LARP1: variants seen among roughly 807,000 people sequenced by gnomAD.
LARP1 encodes the protein La ribonucleoprotein 1, translational regulator.
A neutral mutation model predicts 122.7 loss-of-function variants in LARP1; 36 were observed. The observed-to-expected ratio is 0.29, with a 90% confidence interval of 0.22 to 0.39. LARP1 has a LOEUF of 0.39. Among genes scored for constraint, LARP1 ranks in the 10% least tolerant of loss-of-function variants. The pLI is 1.00. For synonymous variants in LARP1, 539 were observed against 528.7 expected (o/e 1.02, Z -0.27); for missense variants, 1,040 against 1,403.6 (o/e 0.74, Z 4.14).
At position 154,777,161 on chromosome 5, in the gene LARP1, T is replaced by C. The variant is rs538365492; in HGVS notation, c.437-13164T>C. The stretch of plus-strand genomic sequence containing the variant: ...TAGCATGTTCCTATACTGAATACTG[T>C]AGGAGTTGTAATACAATGGTAAGTA... On this transcript the variant is annotated intron_variant, in intron 1 of 18. Transcript: ENST00000518297. Among the ~76,000 whole-genome samples, 3 of 152,222 alleles carry C rather than the reference T, an allele frequency of 2.0e-5. No homozygotes were observed. The East Asian group carries it at 5.8e-4, about 29-fold the overall frequency.
chr5:154,783,904 C>T (rs916048131), intron 1 of LARP1, among the ~76,000 whole-genome samples: 2 of 152,134 alleles, frequency 1.3e-5, no homozygotes. Flanking sequence ...AGGAGGGTGA[C>T]GCTGGGGTAG....
intron 1 of LARP1, among the ~76,000 whole-genome samples, chr5:154,747,687 C>T (rs1056168855): frequency 6.0e-5 from 9 of 150,850 alleles, no homozygotes; most frequent in African/African-American, 9.8e-5. Context: ...GCAACAAAAG[C>T]GAAAATCCGT....
chr5:154,719,246 G>C (rs1755705468), intron 1 of LARP1, among the ~76,000 whole-genome samples: 1 of 152,260 alleles, frequency 6.6e-6, no homozygotes, highest in South Asian at 2.1e-4. Flanking sequence ...CTCAGGTTCA[G>C]AGAGTGCACA....
chr5:154,752,443 A>G (rs977261923), upstream of LARP1, among the ~76,000 whole-genome samples: 1 of 151,262 alleles, frequency 6.6e-6, no homozygotes, highest in African/African-American at 2.4e-5. Context: ...GTGTTTCGCC[A>G]TGTTGGCCAG....
Position 154,755,962 on chromosome 5 carries a change from G to A in LARP1, c.205G>A (p.Gly69Arg), listed in dbSNP as rs2113544803. 4 of 1,002,690 alleles carry A rather than the reference G, an allele frequency of 4.0e-6. No individual in the cohort carries two copies. Among genetic ancestry groups the A allele is most frequent in the Non-Finnish European group, 3.6e-6 (3 of 842,974 alleles). 62.1% of individuals were successfully genotyped at this position (1,002,690 alleles called of 1,614,324 possible). The change falls in exon 1 of 19, where the codon GGG (glycine) becomes AGG (arginine). Residue 69 changes from glycine (G) to arginine (R), a missense_variant. Transcript: ENST00000518297. Reference sequence around the variant, plus strand: ...CGCCAAGCCGCACAAGGAGGGCACCGGGCAGCAGGAGCGCGAGAGCCCGCG... The same window carrying A: ...CGCCAAGCCGCACAAGGAGGGCACCAGGCAGCAGGAGCGCGAGAGCCCGCG... ...PCAKPHKEGT[G>R]QQERESPRPL...
rs1758443104 is a variant in LARP1 at position 154,802,655 on chromosome 5, T to C, written c.2109+256T>C. The stretch of plus-strand genomic sequence containing the variant: ...ATCTGCGGATCCATAGTTAATATTC[T>C]GACAGTTGGCTAGACACTTTTGTGG... On this transcript the variant is annotated intron_variant, in intron 11 of 18. Transcript: ENST00000518297. The surrounding 1 kb of genome is among the most constrained non-coding windows in gnomAD (Gnocchi z 5.1). 6.6e-6 allele frequency among the ~76,000 whole-genome samples: 1 copy of C among 152,360 alleles called. No individual in the cohort carries two copies. The highest frequency in any genetic ancestry group is 1.5e-5 in the Non-Finnish European group (1 of 68,036).
intron 1 of LARP1, among the ~76,000 whole-genome samples, chr5:154,784,525 G>A (rs566306405): frequency 3.9e-5 from 6 of 152,324 alleles, no homozygotes; most frequent in Admixed American, 6.5e-5. Context: ...GATGATACCA[G>A]TCCCCAAATA....
intron 1 of LARP1, chr5:154,729,494 A>G: frequency 2.5e-6 from 1 of 402,900 alleles, no homozygotes; most frequent in South Asian, 2.0e-5. Context: ...TAATCTGCCT[A>G]TTGAGCACAT....
intron 1 of LARP1, among the ~76,000 whole-genome samples, chr5:154,699,006 G>A (rs1479808330): frequency 6.6e-6 from 1 of 152,146 alleles, no homozygotes; most frequent in East Asian, 1.9e-4. Flanking sequence ...TATTTCTTTC[G>A]ATACAAGCTG....
At chr5:154,733,587 G>A (rs1037340243) in intron 1 of LARP1, among the ~76,000 whole-genome samples, 1 of 149,408 alleles carries the variant, frequency 6.7e-6, no homozygotes, top group Non-Finnish European at 1.5e-5. Context: ...TTTGGAGACG[G>A]AGTCTCACTC....
chr5:154,813,036 T>G (rs1759416273), intron 18 of LARP1, among the ~76,000 whole-genome samples: 1 of 152,212 alleles, frequency 6.6e-6, no homozygotes, highest in African/African-American at 2.4e-5. Flanking sequence ...AAGTGTTTAT[T>G]ATGTGCCAGG....
chr5:154,799,496 T>C, intron 8 of LARP1, 95 bp from the exon 9 acceptor site: 2 of 1,331,776 alleles, frequency 1.5e-6, no homozygotes, highest in Non-Finnish European at 2.1e-6. Context: ...ATTGGACTCA[T>C]ACCAAGCTCA....
chr5:154,772,869 TAG>T (rs1755555834), intron 1 of LARP1, among the ~76,000 whole-genome samples: 1 of 152,000 alleles, frequency 6.6e-6, no homozygotes, highest in Non-Finnish European at 1.5e-5. Flanking sequence ...GTATTTTTAG[TAG>T]AGACGGGGTT....
At chr5:154,702,192 C>T (rs925207493) in intron 1 of LARP1, among the ~76,000 whole-genome samples, 2 of 152,194 alleles carry the variant, frequency 1.3e-5, no homozygotes, top group African/African-American at 4.8e-5. Context: ...CTCTCACCTG[C>T]ATTCTGGCCA....
At chr5:154,742,185 T>A (rs1752920974) in intron 1 of LARP1, among the ~76,000 whole-genome samples, 1 of 152,120 alleles carries the variant, frequency 6.6e-6, no homozygotes, top group South Asian at 2.1e-4. Flanking sequence ...TAGGAAACGT[T>A]AGAAACTATC....
At chr5:154,737,755 A>G (rs913593617) in intron 1 of LARP1, among the ~76,000 whole-genome samples, 8 of 151,962 alleles carry the variant, frequency 5.3e-5, no homozygotes, top group Admixed American at 1.3e-4. Context: ...CTCTTCCCCA[A>G]GCTTCTGCCA....
At chr5:154,689,041 G>A (rs1199344506) in intron 1 of LARP1, among the ~76,000 whole-genome samples, 4 of 152,148 alleles carry the variant, frequency 2.6e-5, no homozygotes, top group East Asian at 1.9e-4. Flanking sequence ...ATTTTGCGCC[G>A]GGCGCAGTGG....
intron 1 of LARP1, among the ~76,000 whole-genome samples, chr5:154,732,496 C>G (rs1756648184): frequency 6.6e-6 from 1 of 152,230 alleles, no homozygotes; most frequent in Non-Finnish European, 1.5e-5. Context: ...AAGACACATG[C>G]AGCCTTCATG....
At chr5:154,703,218 T>A (rs1754803757) in intron 1 of LARP1, among the ~76,000 whole-genome samples, 1 of 152,166 alleles carries the variant, frequency 6.6e-6, no homozygotes, top group Non-Finnish European at 1.5e-5. Flanking sequence ...ACGGATAGTT[T>A]TTCTAGGAGG....
Sources: allele counts gnomAD v4.1 joint callset (sites outside exome capture counted in the v4.1 genomes callset), GRCh38; gene constraint gnomAD v4.1.1; non-coding constraint Gnocchi (gnomAD v3.1); transcripts MANE v1.5; gene names NCBI Gene and HGNC (gene_info 2026-07-23, HGNC 2026-07-21).